CCDC178: variants seen among roughly 807,000 people sequenced by gnomAD.
The protein encoded by CCDC178 is coiled-coil domain containing 178, also known as coiled-coil domain-containing protein 178.
CCDC178 carries 126 observed loss-of-function variants against 117.4 expected under a neutral mutation model. The observed-to-expected ratio is 1.07, with a 90% CI of 0.93 to 1.24. The LOEUF (loss-of-function observed/expected upper bound fraction) is 1.24, where lower values mean the gene tolerates loss of function less well. Ranked by LOEUF, CCDC178 falls within the 50% of genes most tolerant of loss-of-function variation. CCDC178 has a pLI of 0.00. For missense variants in CCDC178, 1,030 were observed against 986.9 expected (o/e 1.04, Z -0.59); for synonymous variants, 283 against 313.4 (o/e 0.90, Z 1.02).
At chr18:33,313,413 G>A (rs543746169) in intron 11 of CCDC178, among the ~76,000 whole-genome samples, 5 of 152,096 alleles carry the variant, frequency 3.3e-5, no homozygotes, top group South Asian at 2.1e-4. Flanking sequence ...TTCCTTCCAG[G>A]GTCCTACTCC....
At chr18:33,186,406 G>A (rs764537937) in intron 20 of CCDC178, among the ~76,000 whole-genome samples, 9 of 152,046 alleles carry the variant, frequency 5.9e-5, no homozygotes, top group Non-Finnish European at 8.8e-5. Context: ...TAGACCAGAC[G>A]CACTGACCAT....
intron 17 of CCDC178, 82 bp from the exon 18 acceptor site, chr18:33,223,301 A>G: frequency 7.3e-7 from 1 of 1,371,968 alleles, no homozygotes; most frequent in African/African-American, 1.5e-5. Flanking sequence ...TTAAGTGACT[A>G]TTTTAATAAC....
At chr18:32,970,714 T>C (rs2054907069) in intron 22 of CCDC178, among the ~76,000 whole-genome samples, 1 of 152,046 alleles carries the variant, frequency 6.6e-6, no homozygotes, top group Non-Finnish European at 1.5e-5. Context: ...AGCCCCCTAG[T>C]AGCCTTGCTA....
intron 20 of CCDC178, among the ~76,000 whole-genome samples, chr18:33,093,251 A>G (rs1379904449): frequency 6.6e-6 from 1 of 152,076 alleles, no homozygotes; most frequent in East Asian, 1.9e-4. Flanking sequence ...TTTAATCAGC[A>G]TCCCAGGAGC....
At chr18:33,044,066 T>G (rs2056599511) in intron 21 of CCDC178, among the ~76,000 whole-genome samples, 1 of 149,628 alleles carries the variant, frequency 6.7e-6, no homozygotes, top group East Asian at 1.9e-4. Context: ...TGTGTGTGTG[T>G]GTATGTGTGT....
chr18:33,102,350 T>C (rs536701023), intron 20 of CCDC178, among the ~76,000 whole-genome samples: 15 of 151,124 alleles, frequency 9.9e-5, no homozygotes, highest in Admixed American at 9.3e-4. Flanking sequence ...AATGCTCTAA[T>C]TTCTGAATAC....
At chr18:33,311,236 G>A (rs903537368) in intron 11 of CCDC178, among the ~76,000 whole-genome samples, 1 of 152,182 alleles carries the variant, frequency 6.6e-6, no homozygotes, top group East Asian at 1.9e-4. Context: ...AAGTGGGACT[G>A]AGCCCATAAG....
chr18:33,166,532 G>A (rs1413437414), intron 20 of CCDC178, among the ~76,000 whole-genome samples: 1 of 151,902 alleles, frequency 6.6e-6, no homozygotes, highest in Non-Finnish European at 1.5e-5. Context: ...TCCCTACTAG[G>A]TGTCTATAAG....
At position 33,328,614 on chromosome 18, in the gene CCDC178, G is replaced by A. The variant is rs572995653; in HGVS notation, c.879+4560C>T. ...CTTGCACCTTGTTAAAAATCAATTA[G>A]CCGTAGATGTATATGTTTATTTCTG... On this transcript the variant is annotated intron_variant, in intron 10 of 22. Transcript: ENST00000383096. Among the ~76,000 whole-genome samples the A allele has an allele frequency of 2.0e-5, 3 of 152,154 alleles. No individual in the cohort carries two copies. In the South Asian group the frequency reaches 6.2e-4, roughly 32 times the overall value.
At chr18:33,056,575 AAAT>A (rs1306967074) in intron 21 of CCDC178, among the ~76,000 whole-genome samples, 1 of 152,218 alleles carries the variant, frequency 6.6e-6, no homozygotes, top group East Asian at 1.9e-4. Context: ...ATATAGGGAT[AAAT>A]AATAAAAGTG....
chr18:33,290,134 T>C (rs1280643694), intron 12 of CCDC178, among the ~76,000 whole-genome samples: 2 of 152,282 alleles, frequency 1.3e-5, no homozygotes, highest in African/African-American at 2.4e-5. Context: ...ATAAAAGATT[T>C]AAATAACACA....
chr18:33,029,462 G>T (rs1336273303), intron 21 of CCDC178, among the ~76,000 whole-genome samples: 1 of 151,694 alleles, frequency 6.6e-6, no homozygotes, highest in African/African-American at 2.4e-5. Flanking sequence ...TCAGTTTTTT[G>T]ATTTCACTGT....
At chr18:33,269,276 T>G (rs1014788250) in intron 12 of CCDC178, among the ~76,000 whole-genome samples, 11 of 151,924 alleles carry the variant, frequency 7.2e-5, no homozygotes, top group Non-Finnish European at 1.3e-4. Flanking sequence ...AAACAGTAGA[T>G]GAACTAACAA....
At chr18:33,360,182 T>C (rs1357522723) in intron 6 of CCDC178, among the ~76,000 whole-genome samples, 1 of 151,022 alleles carries the variant, frequency 6.6e-6, no homozygotes, top group Non-Finnish European at 1.5e-5. Context: ...CTCAATAAGT[T>C]ATATATAGAA....
intron 12 of CCDC178, among the ~76,000 whole-genome samples, chr18:33,278,230 CA>C (rs2059974723): frequency 7.0e-6 from 1 of 143,818 alleles, no homozygotes; most frequent in Non-Finnish European, 1.5e-5. Context: ...AAAATACATA[CA>C]TATATATATA....
At chr18:33,067,904 G>A (rs1224023014) in intron 21 of CCDC178, among the ~76,000 whole-genome samples, 34 of 151,762 alleles carry the variant, frequency 2.2e-4, no homozygotes, top group Admixed American at 2.2e-3. Flanking sequence ...GCCGGTGTTT[G>A]AAGAGACAAA....
chr18:33,166,503 C>T (rs1406934440), intron 20 of CCDC178, among the ~76,000 whole-genome samples: 36 of 151,932 alleles, frequency 2.4e-4, no homozygotes, highest in Admixed American at 2.3e-3. Flanking sequence ...CCCTTAAACT[C>T]GTTTTTCAGG....
chr18:33,075,972 A>G (rs2057199337), intron 21 of CCDC178, among the ~76,000 whole-genome samples: 1 of 152,238 alleles, frequency 6.6e-6, no homozygotes, highest in African/African-American at 2.4e-5. Context: ...TTCATCTGAA[A>G]AAAAATTATG....
intron 22 of CCDC178, among the ~76,000 whole-genome samples, chr18:32,967,400 A>G (rs1370963523): frequency 1.3e-5 from 2 of 151,626 alleles, no homozygotes; most frequent in Non-Finnish European, 1.5e-5. Flanking sequence ...GTCTTAGACT[A>G]TATCTTTTAT....
Sources: allele counts gnomAD v4.1 joint callset (sites outside exome capture counted in the v4.1 genomes callset), GRCh38; gene constraint gnomAD v4.1.1; transcripts MANE v1.5; gene names NCBI Gene and HGNC (gene_info 2026-07-23, HGNC 2026-07-21).